Variants in PTPRD observed in about 807,000 individuals in gnomAD.
PTPRD encodes receptor-type tyrosine-protein phosphatase delta.
In PTPRD, 34 loss-of-function variants were observed where a neutral mutation model predicts 214.5. That is an observed-to-expected ratio of 0.16 (90% CI 0.12 to 0.21). The LOEUF is 0.21. Among genes scored for constraint, PTPRD ranks in the 10% least tolerant of loss-of-function variants. The probability of loss-of-function intolerance (pLI) is 1.00; values close to 1 mark genes in which losing one functional copy is unlikely to be tolerated. For missense variants in PTPRD, 2,545 were observed against 2,398.7 expected (o/e 1.06, Z -1.27); for synonymous variants, 1,128 against 845.7 (o/e 1.33, Z -5.79).
intron 2 of PTPRD, among the ~76,000 whole-genome samples, chr9:10,466,567 G>A (rs1187708955): frequency 7.0e-6 from 1 of 143,778 alleles, no homozygotes; most frequent in African/African-American, 2.6e-5. Flanking sequence ...AGGTTGCGGT[G>A]AGCCAAGATT....
chr9:9,876,686 T>C (rs2066965849), intron 5 of PTPRD, among the ~76,000 whole-genome samples: 1 of 152,180 alleles, frequency 6.6e-6, no homozygotes, highest in Non-Finnish European at 1.5e-5. Flanking sequence ...ATTTGTCATT[T>C]TGGGAGCTCT....
rs546672728 is a variant in PTPRD, at chr9:8,978,378, C to T, written c.-104+40319G>A. ...TCTGCACTAAGTACCCACCGTTGTA[C>T]TTTGTAAAGCTTAGCCTGGTAGTTT... is the stretch of plus-strand genomic sequence containing the variant. On this transcript the variant is annotated intron_variant, in intron 11 of 45. Transcript: ENST00000381196. Among the ~76,000 whole-genome samples the T allele has an allele frequency of 1.1e-4, 16 of 152,208 alleles. No individual in the cohort carries two copies. In the South Asian group the frequency reaches 3.3e-3, roughly 32 times the overall value.
chr9:9,953,884 G>C (rs971548642), intron 4 of PTPRD, among the ~76,000 whole-genome samples: 10 of 152,074 alleles, frequency 6.6e-5, no homozygotes, highest in African/African-American at 2.2e-4. Context: ...ACTCAATGTT[G>C]CAACTAGCCT....
At chr9:8,559,480 A>T (rs2085304384) in intron 14 of PTPRD, among the ~76,000 whole-genome samples, 3 of 152,214 alleles carry the variant, frequency 2.0e-5, no homozygotes, top group Non-Finnish European at 2.9e-5. Flanking sequence ...GGCTAGGTTT[A>T]TGCTTATTTC....
chr9:10,405,528 A>G (rs1201871831), intron 2 of PTPRD, among the ~76,000 whole-genome samples: 1 of 9,384 alleles, frequency 1.1e-4, no homozygotes, highest in East Asian at 0.012. Flanking sequence ...CTAAACAAGG[A>G]AATAAAATAA....
intron 8 of PTPRD, among the ~76,000 whole-genome samples, chr9:9,423,660 C>T (rs922122367): frequency 6.6e-6 from 1 of 152,086 alleles, no homozygotes; most frequent in African/African-American, 2.4e-5. Context: ...ACAGAGATAA[C>T]TGCATCAGAG....
intron 5 of PTPRD, among the ~76,000 whole-genome samples, chr9:9,914,248 C>T (rs968339375): frequency 1.3e-5 from 2 of 152,142 alleles, no homozygotes; most frequent in Non-Finnish European, 2.9e-5. Flanking sequence ...CACAGCAACC[C>T]CTGCTACTCC....
At chr9:10,044,404 AAT>A (rs371909801) in intron 3 of PTPRD, among the ~76,000 whole-genome samples, 7 of 151,778 alleles carry the variant, frequency 4.6e-5, no homozygotes, top group Admixed American at 4.0e-4. Context: ...ACCCCAGGAT[AAT>A]ATGTTTTCAG....
At chr9:9,064,474 C>A (rs1010100945) in intron 10 of PTPRD, among the ~76,000 whole-genome samples, 2 of 152,214 alleles carry the variant, frequency 1.3e-5, no homozygotes, top group East Asian at 3.9e-4. Context: ...ATCCAATCAG[C>A]CATTTGATTG....
chr9:9,567,571 T>C (rs1165226124), intron 8 of PTPRD, among the ~76,000 whole-genome samples: 2 of 151,996 alleles, frequency 1.3e-5, no homozygotes, highest in African/African-American at 4.8e-5. Context: ...ATTTTATCTA[T>C]TATTGCCTCA....
At chr9:9,528,955 T>TG (rs2074828045) in intron 8 of PTPRD, among the ~76,000 whole-genome samples, 3 of 150,804 alleles carry the variant, frequency 2.0e-5, no homozygotes, top group Admixed American at 1.3e-4. Flanking sequence ...TTTTTTTTTT[T>TG]TGAGGCAGAG....
At chr9:9,555,216 T>C (rs1413181284) in intron 8 of PTPRD, among the ~76,000 whole-genome samples, 2 of 152,108 alleles carry the variant, frequency 1.3e-5, no homozygotes, top group Non-Finnish European at 2.9e-5. Context: ...TTATTTCTTA[T>C]GCTTCTAGAA....
intron 2 of PTPRD, among the ~76,000 whole-genome samples, chr9:10,412,907 C>A: frequency 6.6e-6 from 1 of 151,872 alleles, no homozygotes; most frequent in East Asian, 2.0e-4. Flanking sequence ...AAATAAAATT[C>A]AACATCCCTT....
chr9:8,364,739 C>T (rs1390222937), intron 39 of PTPRD, among the ~76,000 whole-genome samples: 1 of 152,342 alleles, frequency 6.6e-6, no homozygotes, highest in South Asian at 2.1e-4. Flanking sequence ...CATCGCTCTA[C>T]GATTTTCTGC....
At chr9:8,656,823 A>G (rs892630251) in intron 12 of PTPRD, among the ~76,000 whole-genome samples, 7 of 152,194 alleles carry the variant, frequency 4.6e-5, no homozygotes, top group African/African-American at 1.7e-4. Context: ...AGTTCCTTAG[A>G]TGAGGATGTC....
At chr9:8,496,645 G>C (rs1387140581) in intron 26 of PTPRD, among the ~76,000 whole-genome samples, 1 of 152,198 alleles carries the variant, frequency 6.6e-6, no homozygotes, top group Non-Finnish European at 1.5e-5. Context: ...CTTCTAGTTA[G>C]AGTTAATCAG....
chr9:9,090,288 C>A (rs906065409), intron 10 of PTPRD, among the ~76,000 whole-genome samples: 1 of 152,144 alleles, frequency 6.6e-6, no homozygotes, highest in African/African-American at 2.4e-5. Flanking sequence ...TTAGCCCCCA[C>A]ATATAAGTGA....
At chr9:8,895,805 C>A (rs910644289) in intron 11 of PTPRD, among the ~76,000 whole-genome samples, 1 of 152,132 alleles carries the variant, frequency 6.6e-6, no homozygotes, top group South Asian at 2.1e-4. Flanking sequence ...AGATTTAACT[C>A]TCATATATCA....
intron 5 of PTPRD, among the ~76,000 whole-genome samples, chr9:9,884,222 T>G (rs2069910782): frequency 6.6e-6 from 1 of 152,110 alleles, no homozygotes; most frequent in African/African-American, 2.4e-5. Context: ...GCACCAACAT[T>G]TGACATTGTG....
Sources: allele counts gnomAD v4.1 joint callset (sites outside exome capture counted in the v4.1 genomes callset), GRCh38; gene constraint gnomAD v4.1.1; transcripts MANE v1.5; gene names NCBI Gene and HGNC (gene_info 2026-07-23, HGNC 2026-07-21).